Variants in TBL1X observed in about 807,000 individuals in gnomAD.
TBL1X encodes the protein transducin beta like 1 X-linked, also known as F-box-like/WD repeat-containing protein TBL1X.
TBL1X carries 10 observed loss-of-function variants against 50.7 expected under a neutral mutation model. The observed-to-expected ratio is 0.20, with a 90% CI of 0.12 to 0.33. The LOEUF (loss-of-function observed/expected upper bound fraction) is 0.33, where lower values mean the gene tolerates loss of function less well. Among genes scored for constraint, TBL1X ranks in the 10% least tolerant of loss-of-function variants. TBL1X has a pLI of 1.00. For synonymous variants in TBL1X, 190 were observed against 214.7 expected (o/e 0.88, Z 1.01); for missense variants, 340 against 504.4 (o/e 0.67, Z 3.12).
chrX:9,505,103 A>G (rs764743598), intron 2 of TBL1X, among the ~76,000 whole-genome samples: 2 of 112,330 alleles, frequency 1.8e-5, no homozygotes, highest in African/African-American at 6.5e-5. Flanking sequence ...CAGACTGACA[A>G]TGGACTTCTC....
chrX:9,569,971 C>T (rs891659101), intron 2 of TBL1X, among the ~76,000 whole-genome samples: 2 of 111,935 alleles, frequency 1.8e-5, no homozygotes, highest in East Asian at 2.8e-4. Context: ...AGGCGTGGGG[C>T]GCAGTCCTGG....
intron 2 of TBL1X, among the ~76,000 whole-genome samples, chrX:9,515,078 G>A (rs189397377): frequency 1.2e-3 from 135 of 111,491 alleles, no homozygotes; most frequent in African/African-American, 3.8e-3. Context: ...GCTGAAATGA[G>A]ACAAATCATT....
In TBL1X at chrX:9,675,817, C is replaced by T. The variant is rs1264032601; in HGVS notation, c.212-8226C>T. Reference sequence around the variant, plus strand: ...GAGGCAGGAGAATCGCTTGAACCTGCGAGGCGGAGGTTGCAGTGAGCCGAG... The same window carrying T: ...GAGGCAGGAGAATCGCTTGAACCTGTGAGGCGGAGGTTGCAGTGAGCCGAG... On this transcript the variant is annotated intron_variant, in intron 5 of 17. Coordinates refer to ENST00000645353, the MANE Select transcript of TBL1X (RefSeq NM_005647.4). Among the ~76,000 whole-genome samples, 9 of 105,452 alleles carry T rather than the reference C, an allele frequency of 8.5e-5. No homozygotes were observed. In the East Asian group the frequency reaches 8.9e-4, roughly 10 times the overall value. The allele number at this position is 105,452 out of a possible 115,157, so 91.6% of individuals were successfully genotyped here. A position where few individuals can be genotyped will look rare whatever the true frequency, so the allele number is the denominator to read the frequency against.
intron 5 of TBL1X, among the ~76,000 whole-genome samples, chrX:9,676,969 C>T (rs921916309): frequency 4.5e-5 from 5 of 111,807 alleles, no homozygotes; most frequent in African/African-American, 1.3e-4. Flanking sequence ...GTAGTGAATT[C>T]GCCCCACAGA....
chrX:9,490,687 A>G (rs1379944812), intron 1 of TBL1X, among the ~76,000 whole-genome samples: 1 of 112,351 alleles, frequency 8.9e-6, no homozygotes, highest in African/African-American at 3.2e-5. Flanking sequence ...TCTCGCAGAT[A>G]GTTGTGTGGA....
intron 7 of TBL1X, among the ~76,000 whole-genome samples, chrX:9,689,425 A>G (rs1332047102): frequency 1.8e-5 from 2 of 112,218 alleles, no homozygotes; most frequent in East Asian, 2.8e-4. Context: ...TAACGTTTCT[A>G]TTGCAATAGG....
chrX:9,500,488 CGGGAGGCTG>C (rs1324936259), intron 1 of TBL1X, among the ~76,000 whole-genome samples: 17 of 110,115 alleles, frequency 1.5e-4, no homozygotes, highest in African/African-American at 5.3e-4. Flanking sequence ...CCCAGCTACT[CGGGAGGCTG>C]AGGCAGGAGC....
chrX:9,704,121 C>A (rs2083192270), intron 12 of TBL1X, among the ~76,000 whole-genome samples: 1 of 112,211 alleles, frequency 8.9e-6, no homozygotes, highest in African/African-American at 3.2e-5. Context: ...CCCTGAACCA[C>A]CTGGACCTGA....
chrX:9,495,719 C>G (rs377663110), intron 1 of TBL1X, among the ~76,000 whole-genome samples: 4 of 111,988 alleles, frequency 3.6e-5, no homozygotes. Flanking sequence ...CCCCATAAGA[C>G]GCATCCCAGC....
intron 1 of TBL1X, among the ~76,000 whole-genome samples, chrX:9,469,366 T>C (rs2081798133): frequency 9.0e-6 from 1 of 111,280 alleles, no homozygotes; most frequent in Non-Finnish European, 1.9e-5. Context: ...TTTCACCATG[T>C]TGGCCAGGCT....
intron 1 of TBL1X, among the ~76,000 whole-genome samples, chrX:9,477,989 G>A (rs1030229025): frequency 9.0e-6 from 1 of 111,496 alleles, no homozygotes; most frequent in Admixed American, 9.5e-5. Flanking sequence ...TTTGCCTTCC[G>A]CCCCTTCATC....
intron 2 of TBL1X, among the ~76,000 whole-genome samples, chrX:9,504,533 C>G (rs994677040): frequency 2.7e-5 from 3 of 111,881 alleles, no homozygotes; most frequent in Non-Finnish European, 3.8e-5. Flanking sequence ...TAACCTAATT[C>G]AAAGAAGCTA....
intron 2 of TBL1X, among the ~76,000 whole-genome samples, chrX:9,510,999 G>A (rs2082052979): frequency 8.9e-6 from 1 of 111,750 alleles, no homozygotes; most frequent in Non-Finnish European, 1.9e-5. Context: ...TGTTTCTCTG[G>A]ACAGCCCTGA....
intron 2 of TBL1X, among the ~76,000 whole-genome samples, chrX:9,528,891 G>T (rs2082145878): frequency 9.1e-6 from 1 of 110,492 alleles, no homozygotes; most frequent in African/African-American, 3.3e-5. Context: ...GGTGAGGGTG[G>T]CAGCTGGAGA....
In TBL1X at chrX:9,666,574, G is replaced by A. The variant is rs182940076; in HGVS notation, c.211+12252G>A. On this transcript the variant is annotated intron_variant, in intron 5 of 17. Transcript: ENST00000645353. The stretch of plus-strand genomic sequence containing the variant: ...TTATACATTTGGTCTAAATTAGGCA[G>A]GTCAGATACTGTTTGCTAGATGCTT... Among the ~76,000 whole-genome samples the A allele has an allele frequency of 3.6e-3, 402 of 112,186 alleles. 2 individuals carry two copies. Among genetic ancestry groups the A allele is most frequent in the African/African-American group, 0.013 (388 of 30,894 alleles).
rs1223816709 is a variant in TBL1X, at chrX:9,465,206, C to CCCGCCG, written c.-434_-429dup. On this transcript the variant is annotated 5_prime_UTR_variant, in exon 1 of 18. Transcript: ENST00000645353. ...AGCGAGGAGCCGCCAGCGCCCCCGC[C>CCCGCCG]CCGCCGCCGCCGCAGCGCCCTCAGG... is the stretch of plus-strand genomic sequence containing the variant. 1 of 108,209 alleles carries CCCGCCG rather than the reference C, an allele frequency of 9.2e-6. No homozygotes were observed. Among genetic ancestry groups the CCCGCCG allele is most frequent in the East Asian group, 3.0e-4 (1 of 3,381 alleles). 8.9% of individuals were successfully genotyped at this position (108,209 alleles called of 1,213,427 possible). A position where few individuals can be genotyped will look rare whatever the true frequency, so the allele number is the denominator to read the frequency against.
At chrX:9,651,010 CCTTT>C (rs1409004833) in intron 3 of TBL1X, among the ~76,000 whole-genome samples, 5 of 75,454 alleles carry the variant, frequency 6.6e-5, no homozygotes, top group African/African-American at 2.6e-4. Context: ...TAGCTGCCAG[CCTTT>C]TTTTTTTTTT....
chrX:9,544,176 G>A (rs146084601), intron 2 of TBL1X, among the ~76,000 whole-genome samples: 1,226 of 112,287 alleles, frequency 0.011, 26 homozygotes, highest in African/African-American at 0.038. Context: ...TAATTATTAT[G>A]TGTTTGCTCA....
At chrX:9,484,332 A>C (rs1490402788) in intron 1 of TBL1X, among the ~76,000 whole-genome samples, 1 of 111,316 alleles carries the variant, frequency 9.0e-6, no homozygotes, top group Non-Finnish European at 1.9e-5. Context: ...ACACACACAC[A>C]CACCCATATT....
Sources: allele counts gnomAD v4.1 joint callset (sites outside exome capture counted in the v4.1 genomes callset), GRCh38; gene constraint gnomAD v4.1.1; transcripts MANE v1.5; gene names NCBI Gene and HGNC (gene_info 2026-07-23, HGNC 2026-07-21).